Variants in OSBP2 observed in about 807,000 individuals in gnomAD.
OSBP2 encodes the protein oxysterol binding protein 2.
In OSBP2, 66 loss-of-function variants were observed where a neutral mutation model predicts 96.0. That is an observed-to-expected ratio of 0.69 (90% confidence interval 0.56 to 0.84). The LOEUF (loss-of-function observed/expected upper bound fraction) is 0.84, where lower values mean the gene tolerates loss of function less well. Among genes scored for constraint, OSBP2 ranks in the 40% least tolerant of loss-of-function variants. The pLI is 0.00. For synonymous variants in OSBP2, 525 were observed against 520.9 expected (o/e 1.01, Z -0.11); for missense variants, 1,038 against 1,222.7 (o/e 0.85, Z 2.25).
In OSBP2 at chr22:30,871,621, G is replaced by A. The variant is rs2039461188; in HGVS notation, c.1107+939G>A. On this transcript the variant is annotated intron_variant, in intron 3 of 13. Transcript: ENST00000332585. The surrounding 1 kb of genome is among the most constrained non-coding windows in gnomAD (Gnocchi z 4.7). ...TTCAGGAGAGTCATCGTGCTGGCTG[G>A]GGACAGTGGGCAGTGCTGGTGCCTG... 6.6e-6 allele frequency among the ~76,000 whole-genome samples: 1 copy of A among 152,204 alleles called. No individual in the cohort carries two copies. The highest frequency in any genetic ancestry group is 2.4e-5 in the African/African-American group (1 of 41,448).
chr22:30,860,636 C>G (rs969846668), intron 2 of OSBP2, among the ~76,000 whole-genome samples: 1 of 152,202 alleles, frequency 6.6e-6, no homozygotes, highest in Non-Finnish European at 1.5e-5. Flanking sequence ...GGCAGCCACC[C>G]CTCTACCTTG....
intron 2 of OSBP2, among the ~76,000 whole-genome samples, chr22:30,756,578 A>G (rs1161647426): frequency 6.6e-6 from 1 of 152,238 alleles, no homozygotes; most frequent in Non-Finnish European, 1.5e-5. Flanking sequence ...CTGTAGTCAC[A>G]GCTACTCAGG....
intron 1 of OSBP2, among the ~76,000 whole-genome samples, chr22:30,730,809 A>ATATACT (rs1569100787): frequency 4.7e-5 from 1 of 21,268 alleles, no homozygotes; most frequent in African/African-American, 1.9e-4. Context: ...TATATATATA[A>ATATACT]TTTTTTTTTT....
intron 2 of OSBP2, among the ~76,000 whole-genome samples, chr22:30,749,900 G>A (rs1364230257): frequency 3.3e-5 from 5 of 151,794 alleles, no homozygotes; most frequent in Non-Finnish European, 7.4e-5. Flanking sequence ...GAGCCACCGC[G>A]CCTGGCCACA....
Position 30,888,233 on chromosome 22 carries a change from G to A in OSBP2, c.1311G>A (p.Leu437=), listed in dbSNP as rs546819254. The A allele has an allele frequency of 1.2e-6, 2 of 1,607,862 alleles. No homozygotes were observed. Among genetic ancestry groups the A allele is most frequent in the African/African-American group, 1.3e-5 (1 of 74,902 alleles). Residue 437 remains leucine, a synonymous_variant, in exon 5 of 14, where the codon TTG becomes TTA. Transcript: ENST00000332585. ...PSKSFIEGSL[L]TPKGEDSEED... ...TGTCTGTGTCTCTAGGAAGCCTCTT[G>A]ACTCCCAAAGGAGAGGACAGTGAGG... is the stretch of plus-strand genomic sequence containing the variant.
intron 7 of OSBP2, among the ~76,000 whole-genome samples, chr22:30,889,861 C>G (rs1187755348): frequency 1.3e-5 from 2 of 152,172 alleles, no homozygotes; most frequent in African/African-American, 4.8e-5. Flanking sequence ...CAGGGAGAAG[C>G]TCTGCATGGA....
chr22:30,758,259 G>A (rs757024087), intron 2 of OSBP2, among the ~76,000 whole-genome samples: 7 of 152,094 alleles, frequency 4.6e-5, no homozygotes, highest in South Asian at 2.1e-4. Context: ...AAAATTAGCC[G>A]GGTGTGGTGG....
intron 2 of OSBP2, among the ~76,000 whole-genome samples, chr22:30,858,309 G>C (rs534309642): frequency 6.6e-6 from 1 of 150,864 alleles, no homozygotes; most frequent in Admixed American, 6.6e-5. Flanking sequence ...ACCGCGCCCG[G>C]CTAATTTTTT....
At chr22:30,708,540 G>A (rs904639719) in intron 1 of OSBP2, among the ~76,000 whole-genome samples, 5 of 129,538 alleles carry the variant, frequency 3.9e-5, no homozygotes, top group Non-Finnish European at 7.8e-5. Flanking sequence ...CCAGTCTGGA[G>A]TGCAATGGCA....
intron 10 of OSBP2, 34 bp downstream of exon 10, chr22:30,893,600 C>A: frequency 6.2e-7 from 1 of 1,613,220 alleles, no homozygotes; most frequent in Non-Finnish European, 8.5e-7. Context: ...GGTGCATGGC[C>A]CGGGGGCTGG....
intron 2 of OSBP2, among the ~76,000 whole-genome samples, chr22:30,784,370 C>A (rs552323389): frequency 5.9e-5 from 9 of 152,122 alleles, no homozygotes; most frequent in African/African-American, 2.2e-4. Flanking sequence ...CCTCTCACCC[C>A]AACCTCCTGA....
At chr22:30,764,152 G>A (rs1354859099) in intron 2 of OSBP2, 25 of 813,764 alleles carry the variant, frequency 3.1e-5, no homozygotes, top group African/African-American at 1.3e-4. Flanking sequence ...CCCGGTTCTC[G>A]CCTCCCCTAG....
intron 1 of OSBP2, among the ~76,000 whole-genome samples, chr22:30,712,128 C>T (rs1331290883): frequency 6.6e-6 from 1 of 152,192 alleles, no homozygotes; most frequent in Non-Finnish European, 1.5e-5. Flanking sequence ...GCGTGTCAGA[C>T]TGTTTCAGAC....
intron 2 of OSBP2, among the ~76,000 whole-genome samples, chr22:30,798,776 G>C (rs8135567): frequency 0.046 from 6,945 of 152,166 alleles, 346 homozygotes; most frequent in African/African-American, 0.12. Context: ...ACTTTGGGAG[G>C]CCAAGGCAGG....
chr22:30,874,558 A>G (rs1016423946), intron 3 of OSBP2, among the ~76,000 whole-genome samples: 7 of 152,202 alleles, frequency 4.6e-5, no homozygotes, highest in African/African-American at 1.7e-4. Context: ...GATTCCCGAG[A>G]GCCCAGGACC....
intron 2 of OSBP2, among the ~76,000 whole-genome samples, chr22:30,799,718 G>A (rs1237363630): frequency 6.6e-6 from 1 of 152,202 alleles, no homozygotes; most frequent in Non-Finnish European, 1.5e-5. Context: ...AATGTGTGTG[G>A]CTTACCCATC....
chr22:30,775,460 A>T (rs1219746281), intron 2 of OSBP2, among the ~76,000 whole-genome samples: 1 of 151,762 alleles, frequency 6.6e-6, no homozygotes, highest in African/African-American at 2.4e-5. Flanking sequence ...ATACAAAAAA[A>T]AAAAAAATGA....
intron 1 of OSBP2, among the ~76,000 whole-genome samples, chr22:30,734,547 A>T (rs1260940308): frequency 6.6e-6 from 1 of 152,212 alleles, no homozygotes; most frequent in African/African-American, 2.4e-5. Flanking sequence ...GCCAGGACTC[A>T]CAGTGGGAGA....
intron 2 of OSBP2, among the ~76,000 whole-genome samples, chr22:30,749,756 C>A (rs1242378369): frequency 6.6e-6 from 1 of 152,108 alleles, no homozygotes. Context: ...TACAGGCATG[C>A]GCCACCATGC....
Sources: gnomAD v4.1 joint callset for allele counts (sites outside exome capture counted in the v4.1 genomes callset) on GRCh38, gnomAD v4.1.1 for gene constraint, Gnocchi (gnomAD v3.1) non-coding constraint, MANE v1.5 for transcripts, NCBI Gene and HGNC (gene_info 2026-07-23, HGNC 2026-07-21) for gene names.